The following C9 variants were observed in gnomAD, a reference collection of about 807,000 sequenced individuals.
The protein encoded by C9 is complement C9, also known as complement component C9.
C9 carries 63 observed loss-of-function variants against 65.4 expected under a neutral mutation model. The ratio of observed to expected loss-of-function variants is 0.96; its 90% CI spans 0.79 to 1.19. C9 has a LOEUF of 1.19. C9 is among the 50% of genes most tolerant of loss of function. The pLI, the probability that C9 is intolerant of heterozygous loss-of-function variation, is 0.00. For synonymous variants in C9, 229 were observed against 227.9 expected, an observed-to-expected ratio of 1.00 and a Z score of -0.04; for missense variants, 744 against 670.1, an observed-to-expected ratio of 1.11 and a Z score of -1.22.
chr5:39,308,671 C>G (rs895135150), intron 7 of C9, among the ~76,000 whole-genome samples: 1 of 152,174 alleles, frequency 6.6e-6, no homozygotes, highest in African/African-American at 2.4e-5. Flanking sequence ...ACAACAATGT[C>G]TAACATATAT....
At chr5:39,359,056 ATGTG>A (rs1194374648) in intron 1 of C9, among the ~76,000 whole-genome samples, 1 of 140,796 alleles carries the variant, frequency 7.1e-6, no homozygotes, top group African/African-American at 2.6e-5. Flanking sequence ...GTGTATATAT[ATGTG>A]TATATATATA....
At chr5:39,285,359 G>T in intron 10 of C9, 126 bp from the exon 11 acceptor site, 2 of 762,986 alleles carry the variant, frequency 2.6e-6, no homozygotes, top group Non-Finnish European at 4.7e-6. Flanking sequence ...TCTAGGTACT[G>T]GGAATAGAAT....
intron 5 of C9, among the ~76,000 whole-genome samples, chr5:39,331,375 G>T (rs1753836901): frequency 6.6e-6 from 1 of 152,126 alleles, no homozygotes; most frequent in African/African-American, 2.4e-5. Flanking sequence ...CACGTAAGCA[G>T]TGTTATCACT....
At position 39,320,698 on chromosome 5, in the gene C9, C is replaced by A. The variant is rs1753651111; in HGVS notation, c.616-4669G>T. Among the ~76,000 whole-genome samples, 4 of 152,080 alleles carry A rather than the reference C, an allele frequency of 2.6e-5. No homozygotes were observed. In the South Asian group the frequency reaches 8.3e-4, roughly 31 times the overall value. On this transcript the variant is annotated intron_variant, in intron 5 of 10. Coordinates refer to ENST00000263408, the MANE Select transcript of C9 (RefSeq NM_001737.5). The stretch of plus-strand genomic sequence containing the variant: ...TGAATCCCAAAGAACCCCAAATAGA[C>A]TATATATGAAGAGATCTTCACTTAG...
chr5:39,333,214 C>CGTA (rs1753877015), intron 4 of C9, among the ~76,000 whole-genome samples: 2 of 151,952 alleles, frequency 1.3e-5, no homozygotes, highest in Non-Finnish European at 2.9e-5. Flanking sequence ...AATCCTTTAC[C>CGTA]CATCTCTGCA....
chr5:39,306,749 G>A lies in C9; in HGVS notation c.1284C>T (p.Leu428=), dbSNP rs146228410. 1 of 1,611,924 alleles carries A rather than the reference G, an allele frequency of 6.2e-7. No individual in the cohort carries two copies. Among genetic ancestry groups the A allele is most frequent in the South Asian group, 1.1e-5 (1 of 91,050 alleles). ...SENLIDDVVS[L]IRGGTRKYAF... ...CATATTTTCTGGTTCCACCTCTTAT[G>A]AGTGAAACAACATCATCTATGAGGT... is the stretch of plus-strand genomic sequence containing the variant. Residue 428 remains leucine, a synonymous_variant, in exon 9 of 11, where the codon CTC becomes CTT. Coordinates refer to ENST00000263408, the MANE Select transcript of C9 (RefSeq NM_001737.5).
chr5:39,343,101 T>G (rs917424378), intron 1 of C9, among the ~76,000 whole-genome samples: 5 of 152,176 alleles, frequency 3.3e-5, no homozygotes, highest in East Asian at 1.9e-4. Context: ...CCAGCGTGAG[T>G]GACGGAGAAG....
chr5:39,333,216 A>G (rs960373193), intron 4 of C9, among the ~76,000 whole-genome samples: 1 of 152,084 alleles, frequency 6.6e-6, no homozygotes, highest in African/African-American at 2.4e-5. Context: ...TCCTTTACCC[A>G]TCTCTGCATG....
At chr5:39,340,665 A>G (rs1366743905) in intron 4 of C9, among the ~76,000 whole-genome samples, 3 of 152,198 alleles carry the variant, frequency 2.0e-5, no homozygotes, top group African/African-American at 2.4e-5. Flanking sequence ...CATCAAAACT[A>G]CTTCCTCTGA....
intron 1 of C9, among the ~76,000 whole-genome samples, chr5:39,350,394 C>T (rs1008909123): frequency 2.6e-5 from 4 of 152,188 alleles, no homozygotes; most frequent in Admixed American, 6.5e-5. Flanking sequence ...GTTCTTCTCA[C>T]ATTTGAAAAC....
At chr5:39,344,338 G>A (rs970344999) in intron 1 of C9, among the ~76,000 whole-genome samples, 3 of 152,204 alleles carry the variant, frequency 2.0e-5, no homozygotes, top group African/African-American at 7.2e-5. Context: ...TGACCTGATG[G>A]AGCTGAAAAC....
chr5:39,298,701 T>C (rs1753230754), intron 9 of C9, among the ~76,000 whole-genome samples: 2 of 151,792 alleles, frequency 1.3e-5, no homozygotes, highest in Admixed American at 1.3e-4. Context: ...CTACAAAAAC[T>C]TTTTCATAAA....
At chr5:39,355,312 C>T (rs1308368253) in intron 1 of C9, among the ~76,000 whole-genome samples, 1 of 152,190 alleles carries the variant, frequency 6.6e-6, no homozygotes, top group Non-Finnish European at 1.5e-5. Context: ...TCATCTTTCC[C>T]ACACGTAAGT....
Position 39,288,366 on chromosome 5 carries a change from CAT to C in C9, c.1645+355_1645+356del, listed in dbSNP as rs201936847. ...ATGTCTACGTCTATACACATAAACA[CAT>C]ATATATGCAAAGTGTATATGATATA... On this transcript the variant is annotated intron_variant, in intron 10 of 10. Coordinates refer to ENST00000263408, the MANE Select transcript of C9 (RefSeq NM_001737.5). 4.1e-3 allele frequency among the ~76,000 whole-genome samples: 620 copies of C among 151,666 alleles called. 2 individuals carry two copies. The highest frequency in any genetic ancestry group is 7.0e-3 in the Non-Finnish European group (475 of 67,760).
At chr5:39,354,786 A>T (rs1754386495) in intron 1 of C9, among the ~76,000 whole-genome samples, 1 of 152,228 alleles carries the variant, frequency 6.6e-6, no homozygotes, top group Non-Finnish European at 1.5e-5. Flanking sequence ...TGCATAGCTA[A>T]TAATAGGAAA....
At position 39,341,679 on chromosome 5, in the gene C9, C is replaced by T. The variant is rs368261626; in HGVS notation, c.205G>A (p.Val69Ile). 1.3e-5 allele frequency: 21 copies of T among 1,613,916 alleles called. No individual in the cohort carries two copies. The highest frequency in any genetic ancestry group is 1.7e-5 in the Non-Finnish European group (20 of 1,179,950). The change falls in exon 3 of 11, where the codon GTC becomes ATC. Residue 69 changes from valine to isoleucine, a missense_variant. Transcript: ENST00000263408. ...CTTTTCCCATTAAATTGTCCAAAGACCTCAATGCTTCTTGAACGAAACTGC... is the reference window on the plus strand; with the variant it reads ...CTTTTCCCATTAAATTGTCCAAAGATCTCAATGCTTCTTGAACGAAACTGC... The part of the protein sequence containing the change: ...RQMFRSRSIE[V>I]FGQFNGKRCT...
intron 1 of C9, among the ~76,000 whole-genome samples, chr5:39,359,249 G>GAGT (rs1230078657): frequency 6.6e-6 from 1 of 151,276 alleles, no homozygotes; most frequent in Non-Finnish European, 1.5e-5. Context: ...GGGTAGAGAC[G>GAGT]AGTACAGAAA....
chr5:39,352,025 G>T (rs756283463), intron 1 of C9, among the ~76,000 whole-genome samples: 1 of 152,188 alleles, frequency 6.6e-6, no homozygotes. Flanking sequence ...GAGTTCCACA[G>T]ATTGTATAGG....
At chr5:39,325,604 C>T (rs1248981121) in intron 5 of C9, among the ~76,000 whole-genome samples, 1 of 152,058 alleles carries the variant, frequency 6.6e-6, no homozygotes, top group Non-Finnish European at 1.5e-5. Context: ...GAAATCCCAT[C>T]TCTACTAAAA....
Sources: allele counts gnomAD v4.1 joint callset (sites outside exome capture counted in the v4.1 genomes callset), GRCh38; gene constraint gnomAD v4.1.1; transcripts MANE v1.5; gene names NCBI Gene and HGNC (gene_info 2026-07-23, HGNC 2026-07-21).